UNC5B: variants seen among roughly 807,000 people sequenced by gnomAD.
The protein encoded by UNC5B is netrin receptor UNC5B.
UNC5B carries 56 observed loss-of-function variants against 103.7 expected under a neutral mutation model. That is an observed-to-expected ratio of 0.54 (90% CI 0.44 to 0.67). The LOEUF (loss-of-function observed/expected upper bound fraction) is 0.67, where lower values mean the gene tolerates loss of function less well. Ranked by LOEUF, UNC5B falls within the 30% of genes least tolerant of loss-of-function variation. The pLI, the probability that UNC5B is intolerant of heterozygous loss-of-function variation, is 0.00. For missense variants in UNC5B, 1,194 were observed against 1,284.5 expected (o/e 0.93, Z 1.08); for synonymous variants, 577 against 542.0 (o/e 1.06, Z -0.90).
intron 1 of UNC5B, among the ~76,000 whole-genome samples, chr10:71,237,511 C>T (rs1843799072): frequency 6.6e-6 from 1 of 151,482 alleles, no homozygotes; most frequent in Non-Finnish European, 1.5e-5. Context: ...CTCTTAAGAC[C>T]TCAGTTCTCT....
chr10:71,279,991 G>T lies in UNC5B; in HGVS notation c.250G>T (p.Glu84Ter). 6.2e-7 allele frequency: 1 copy of T among 1,614,078 alleles called. No individual in the cohort carries two copies. Among genetic ancestry groups the T allele is most frequent in the Non-Finnish European group, 8.5e-7 (1 of 1,180,034 alleles). ...ATQIYFKCNGEWVSQNDHVTQ... is the reference protein window; with the variant it reads ...ATQIYFKCNG ...ACAGATCTACTTCAAGTGCAACGGC[G>T]AGTGGGTCAGCCAGAACGACCACGT... The change falls in exon 2 of 17, where the codon GAG (glutamate) becomes TAG (stop). Residue 84 changes from glutamate to a stop codon, truncating the protein, a stop_gained. Coordinates refer to ENST00000335350, the MANE Select transcript of UNC5B (RefSeq NM_170744.5). LOFTEE classifies it high-confidence loss of function.
intron 1 of UNC5B, among the ~76,000 whole-genome samples, chr10:71,233,641 G>T (rs1411379625): frequency 6.6e-6 from 1 of 152,214 alleles, no homozygotes; most frequent in African/African-American, 2.4e-5. Context: ...CCCCTCAGCT[G>T]CCACAGCAGT....
chr10:71,283,325 G>A (rs1844979152), intron 2 of UNC5B, among the ~76,000 whole-genome samples: 2 of 152,208 alleles, frequency 1.3e-5, no homozygotes, highest in African/African-American at 2.4e-5. Flanking sequence ...TGTCTGGCCC[G>A]GGCTGGGCGC....
chr10:71,258,739 G>A (rs1405052531), intron 1 of UNC5B, among the ~76,000 whole-genome samples: 3 of 152,208 alleles, frequency 2.0e-5, no homozygotes, highest in Non-Finnish European at 4.4e-5. Flanking sequence ...GGCCAAGCTG[G>A]CACCCACTTG....
At chr10:71,273,191 C>T (rs1407788150) in intron 1 of UNC5B, among the ~76,000 whole-genome samples, 1 of 152,316 alleles carries the variant, frequency 6.6e-6, no homozygotes, top group African/African-American at 2.4e-5. Flanking sequence ...GCCCGGCCCA[C>T]AGTGCTTGTT....
intron 1 of UNC5B, among the ~76,000 whole-genome samples, chr10:71,276,241 A>G (rs1844768658): frequency 6.6e-6 from 1 of 152,058 alleles, no homozygotes; most frequent in South Asian, 2.1e-4. Flanking sequence ...TAGGGTTATT[A>G]TGGAGCTCAT....
At chr10:71,294,912 C>T (rs1845367589) in intron 13 of UNC5B, among the ~76,000 whole-genome samples, 2 of 152,200 alleles carry the variant, frequency 1.3e-5, no homozygotes. Flanking sequence ...AGCTCAGGCT[C>T]ATCCTGATGT....
At chr10:71,280,192 G>A (rs775744158) in intron 2 of UNC5B, 147 bp downstream of exon 2, 8 of 875,138 alleles carry the variant, frequency 9.1e-6, no homozygotes, top group Non-Finnish European at 1.4e-5. Context: ...GCCTGACTTT[G>A]GGACCATCTC....
At chr10:71,294,997 G>T (rs986366233) in intron 13 of UNC5B, among the ~76,000 whole-genome samples, 5 of 152,114 alleles carry the variant, frequency 3.3e-5, no homozygotes, top group Non-Finnish European at 7.4e-5. Context: ...CCTCCTCAGC[G>T]CCTCATGGTC....
At chr10:71,270,622 G>A (rs1844626075) in intron 1 of UNC5B, among the ~76,000 whole-genome samples, 1 of 152,114 alleles carries the variant, frequency 6.6e-6, no homozygotes, top group Non-Finnish European at 1.5e-5. Context: ...AGACTGCAGC[G>A]GGTGGTGGGG....
intron 1 of UNC5B, among the ~76,000 whole-genome samples, chr10:71,227,731 C>G (rs912747135): frequency 7.4e-5 from 11 of 149,336 alleles, no homozygotes. Flanking sequence ...CACACACACA[C>G]ACACACACAC....
intron 1 of UNC5B, among the ~76,000 whole-genome samples, chr10:71,222,603 G>A (rs949278021): frequency 6.6e-6 from 1 of 152,204 alleles, no homozygotes; most frequent in African/African-American, 2.4e-5. Context: ...TCTCTGGGCA[G>A]AACAGTGGGA....
intron 1 of UNC5B, among the ~76,000 whole-genome samples, chr10:71,273,821 C>A (rs552919993): frequency 6.6e-6 from 1 of 152,314 alleles, no homozygotes; most frequent in African/African-American, 2.4e-5. Context: ...CTGTCTGACT[C>A]AAAACAGACT....
intron 1 of UNC5B, 127 bp from the exon 2 acceptor site, chr10:71,279,694 G>T: frequency 1.0e-6 from 1 of 984,430 alleles, no homozygotes; most frequent in Non-Finnish European, 1.5e-6. Flanking sequence ...GTCCCCAGGA[G>T]GGCTCTGGCT....
rs776490387 is a variant in UNC5B, at chr10:71,293,938, G to A, written c.2175+5G>A. ...GACACGCCTGTAGCACTGAAGGTAG[G>A]GCCAGCTGCAGGTGCCCACACAGCC... On this transcript the variant is annotated splice_donor_5th_base_variant and intron_variant, in intron 13 of 16. Coordinates refer to ENST00000335350, the MANE Select transcript of UNC5B (RefSeq NM_170744.5). The A allele has an allele frequency of 4.0e-5, 63 of 1,586,988 alleles. No individual in the cohort carries two copies. Among genetic ancestry groups the A allele is most frequent in the Non-Finnish European group, 3.9e-5 (46 of 1,170,806 alleles).
At chr10:71,228,193 A>G (rs1376283722) in intron 1 of UNC5B, among the ~76,000 whole-genome samples, 3 of 152,236 alleles carry the variant, frequency 2.0e-5, no homozygotes, top group African/African-American at 2.4e-5. Context: ...CTCACACCAT[A>G]CAGAGAGATG....
intron 5 of UNC5B, 95 bp from the exon 6 acceptor site, chr10:71,287,503 T>C: frequency 1.4e-6 from 2 of 1,463,290 alleles, no homozygotes. Context: ...AGGCCAGGCT[T>C]CAGCAGAGGG....
chr10:71,280,844 G>A (rs1455406099), intron 2 of UNC5B, among the ~76,000 whole-genome samples: 2 of 151,536 alleles, frequency 1.3e-5, no homozygotes, highest in Non-Finnish European at 2.9e-5. Context: ...CAGGCAGATG[G>A]GACCCCCCCT....
chr10:71,286,726 C>T lies in UNC5B; in HGVS notation c.590C>T (p.Thr197Ile). 6.2e-7 allele frequency: 1 copy of T among 1,614,224 alleles called. No individual in the cohort carries two copies. The highest frequency in any genetic ancestry group is 8.5e-7 in the Non-Finnish European group (1 of 1,180,032). The change falls in exon 5 of 17, where the codon ACC becomes ATC. Residue 197 changes from threonine to isoleucine, a missense_variant. Physicochemically the swap from Thr to Ile is moderately conservative, Grantham distance 89. Coordinates refer to ENST00000335350, the MANE Select transcript of UNC5B (RefSeq NM_170744.5). ...WLKNEDVIDP[T>I]QDTNFLLTID... is the part of the protein sequence containing the mutation. ...AAGAATGAGGATGTCATCGACCCCA[C>T]CCAGGACACCAACTTCCTGCTCACC...
Sources: gnomAD v4.1 joint callset for allele counts (sites outside exome capture counted in the v4.1 genomes callset) on GRCh38, gnomAD v4.1.1 for gene constraint, MANE v1.5 for transcripts, NCBI Gene and HGNC (gene_info 2026-07-23, HGNC 2026-07-21) for gene names.